Variants in CFAP299 observed in about 807,000 individuals in gnomAD.
CFAP299 encodes cilia- and flagella-associated protein 299.
Under a neutral mutation model 27.0 loss-of-function variants are expected in CFAP299, and 21 were observed. The ratio of observed to expected loss-of-function variants is 0.78; its 90% CI spans 0.55 to 1.12. The LOEUF is 1.12. CFAP299 is among the 50% of genes most tolerant of loss of function. The pLI, the probability that CFAP299 is intolerant of heterozygous loss-of-function variation, is 0.00. For synonymous variants in CFAP299, 104 were observed against 98.1 expected (o/e 1.06, Z -0.36); for missense variants, 310 against 276.6 (o/e 1.12, Z -0.86).
intron 4 of CFAP299, among the ~76,000 whole-genome samples, chr4:80,896,519 A>G (rs1734616860): frequency 6.8e-6 from 1 of 146,422 alleles, no homozygotes. Flanking sequence ...CTGTGGGCTT[A>G]CTGGCCCTCT....
At chr4:80,869,759 G>A (rs558604743) in intron 3 of CFAP299, among the ~76,000 whole-genome samples, 8 of 152,258 alleles carry the variant, frequency 5.3e-5, no homozygotes, top group South Asian at 2.1e-4. Flanking sequence ...TGATCTGCCC[G>A]CTTCGGCCTC....
intron 2 of CFAP299, among the ~76,000 whole-genome samples, chr4:80,462,391 A>G: frequency 6.6e-6 from 1 of 152,112 alleles, no homozygotes; most frequent in East Asian, 1.9e-4. Context: ...AGCTAGACTT[A>G]TGTCCCCATT....
At chr4:80,653,956 A>G (rs1048217170) in intron 3 of CFAP299, among the ~76,000 whole-genome samples, 3 of 152,082 alleles carry the variant, frequency 2.0e-5, no homozygotes, top group African/African-American at 4.8e-5. Flanking sequence ...GTGTTTATAT[A>G]TATGTGGGTA....
At chr4:80,327,578 G>A in the CFAP299 span, among the ~76,000 whole-genome samples, 1 of 150,984 alleles carries the variant, frequency 6.6e-6, no homozygotes, top group Non-Finnish European at 1.5e-5. Flanking sequence ...CATTTAGGAG[G>A]CTATTATAGT....
intron 3 of CFAP299, among the ~76,000 whole-genome samples, chr4:80,723,508 T>TA (rs35442302): frequency 9.0e-4 from 137 of 151,796 alleles, no homozygotes; most frequent in Middle Eastern, 3.4e-3. Context: ...TATAAAATTC[T>TA]AAAAAAAACG....
intron 2 of CFAP299, among the ~76,000 whole-genome samples, chr4:80,486,863 G>C (rs1262230689): frequency 2.6e-5 from 4 of 152,230 alleles, no homozygotes; most frequent in Admixed American, 6.5e-5. Flanking sequence ...GCCAGCATTG[G>C]CTGGGGCCCT....
At chr4:80,447,290 T>C (rs9307689) in intron 2 of CFAP299, among the ~76,000 whole-genome samples, 5,645 of 144,084 alleles carry the variant, frequency 0.039, 372 homozygotes, top group African/African-American at 0.13. Flanking sequence ...CGCCCGCCAC[T>C]ACGCCCGGCT....
intron 3 of CFAP299, among the ~76,000 whole-genome samples, chr4:80,754,675 A>AT (rs1000551952): frequency 2.0e-5 from 3 of 151,276 alleles, no homozygotes; most frequent in Non-Finnish European, 2.9e-5. Flanking sequence ...ATAAATTATG[A>AT]TTTTTTTCTT....
At chr4:80,348,834 T>C (rs558147560) in intron 1 of CFAP299, among the ~76,000 whole-genome samples, 3 of 152,356 alleles carry the variant, frequency 2.0e-5, no homozygotes, top group African/African-American at 7.2e-5. Context: ...TAAAATCTCA[T>C]CTTTATTTCA....
chr4:80,855,869 G>A (rs971123583), intron 3 of CFAP299, among the ~76,000 whole-genome samples: 6 of 151,566 alleles, frequency 4.0e-5, no homozygotes, highest in African/African-American at 7.3e-5. Context: ...ATAAACATAC[G>A]TGTGCATGTG....
chr4:80,480,618 A>G (rs1578494035), intron 2 of CFAP299, among the ~76,000 whole-genome samples: 1 of 152,016 alleles, frequency 6.6e-6, no homozygotes, highest in East Asian at 1.9e-4. Flanking sequence ...TCAAGGCCTA[A>G]TTAGTTTTGT....
chr4:80,856,338 TC>T (rs1314084647), intron 3 of CFAP299, among the ~76,000 whole-genome samples: 1 of 149,120 alleles, frequency 6.7e-6, no homozygotes, highest in Non-Finnish European at 1.5e-5. Context: ...GAAAATTTTC[TC>T]CCATTTTGTG....
intron 3 of CFAP299, among the ~76,000 whole-genome samples, chr4:80,808,782 A>T (rs755369942): frequency 2.0e-5 from 3 of 152,138 alleles, no homozygotes; most frequent in Non-Finnish European, 4.4e-5. Flanking sequence ...TCTGAGAGCC[A>T]CAATTATAGG....
intron 3 of CFAP299, among the ~76,000 whole-genome samples, chr4:80,604,773 A>G (rs540270043): frequency 6.6e-6 from 1 of 152,322 alleles, no homozygotes; most frequent in African/African-American, 2.4e-5. Context: ...GACAACAATC[A>G]AAAAACGAAG....
intron 3 of CFAP299, among the ~76,000 whole-genome samples, chr4:80,654,464 C>A (rs925776080): frequency 1.3e-5 from 2 of 152,094 alleles, no homozygotes; most frequent in Admixed American, 1.3e-4. Context: ...TCTATTGTAA[C>A]ATTTTCTGTT....
intron 3 of CFAP299, among the ~76,000 whole-genome samples, chr4:80,719,755 G>T (rs917573657): frequency 1.1e-4 from 16 of 152,224 alleles, no homozygotes; most frequent in African/African-American, 3.9e-4. Flanking sequence ...CTGTTTGTGA[G>T]ATGTCTTGTC....
intron 2 of CFAP299, among the ~76,000 whole-genome samples, chr4:80,447,697 C>T (rs1578455006): frequency 1.3e-5 from 2 of 152,158 alleles, no homozygotes; most frequent in African/African-American, 4.8e-5. Context: ...AGGTGATCTG[C>T]CTGCCTCGGC....
rs536128213 is a variant in CFAP299 at position 80,754,735 on chromosome 4, G to T, written c.334-115258G>T. On this transcript the variant is annotated intron_variant, in intron 3 of 5. Coordinates refer to ENST00000358105, the MANE Select transcript of CFAP299 (RefSeq NM_152770.3). Reference sequence around the variant, plus strand: ...ACATTCTCTTGCTATCTCACACCTGGTCTTCAGCAATTTGTTAAAAATGCT... The same window carrying T: ...ACATTCTCTTGCTATCTCACACCTGTTCTTCAGCAATTTGTTAAAAATGCT... Among the ~76,000 whole-genome samples the T allele has an allele frequency of 6.6e-4, 101 of 152,038 alleles. No homozygotes were observed. The Middle Eastern group carries it at 0.01, about 15-fold the overall frequency.
intron 2 of CFAP299, chr4:80,386,991 C>A (rs1261301887): frequency 9.2e-7 from 1 of 1,088,332 alleles, no homozygotes; most frequent in African/African-American, 1.5e-5. Context: ...GAACCTGCCC[C>A]CACTGCGGTG....
Sources: allele counts gnomAD v4.1 joint callset (sites outside exome capture counted in the v4.1 genomes callset), GRCh38; gene constraint gnomAD v4.1.1; transcripts MANE v1.5; gene names NCBI Gene and HGNC (gene_info 2026-07-23, HGNC 2026-07-21).